The following KMO variants were observed in gnomAD, a reference collection of about 807,000 sequenced individuals.
The protein encoded by KMO is kynurenine 3-monooxygenase, also known as kynurenine 3-hydroxylase.
In KMO, 24 loss-of-function variants were observed where a neutral mutation model predicts 57.8. The observed-to-expected ratio is 0.42, with a 90% CI of 0.30 to 0.58. KMO has a LOEUF of 0.58. Among genes scored for constraint, KMO ranks in the 20% least tolerant of loss-of-function variants. The pLI, the probability that KMO is intolerant of heterozygous loss-of-function variation, is 0.22. For synonymous variants in KMO, 210 were observed against 193.6 expected (o/e 1.08, Z -0.70); for missense variants, 483 against 588.2 (o/e 0.82, Z 1.85).
At chr1:241,571,407 T>C (rs192965260) in intron 10 of KMO, among the ~76,000 whole-genome samples, 52 of 152,300 alleles carry the variant, frequency 3.4e-4, no homozygotes, top group Admixed American at 9.1e-4. Flanking sequence ...TTTTGTATGA[T>C]ACTAGCTGTG....
At chr1:241,586,617 T>G in intron 10 of KMO, 62 bp from the exon 11 acceptor site, 1 of 1,094,970 alleles carries the variant, frequency 9.1e-7, no homozygotes, top group Non-Finnish European at 1.4e-6. Context: ...TCAAAATCAA[T>G]AATAAGGGTT....
In KMO at chr1:241,594,241, T is replaced by G. The variant is rs555076820; in HGVS notation, c.*2088T>G. On this transcript the variant is annotated 3_prime_UTR_variant, in exon 15 of 15. Transcript: ENST00000366559. ...TTCATTATGTAAAGCACCCGTTGAA[T>G]TAAAAGAATTTGTTTTTGTTCAACC... is the stretch of plus-strand genomic sequence containing the variant. The G allele has an allele frequency of 1.4e-4, 78 of 568,956 alleles. No individual in the cohort carries two copies. Among genetic ancestry groups the G allele is most frequent in the Admixed American group, 6.4e-4 (18 of 28,234 alleles). 35.2% of individuals were successfully genotyped at this position (568,956 alleles called of 1,614,324 possible). A position where few individuals can be genotyped will look rare whatever the true frequency, so the allele number is the denominator to read the frequency against.
chr1:241,590,967 A>G lies in KMO; in HGVS notation c.1260+704A>G, dbSNP rs148566663. Among the ~76,000 whole-genome samples, 335 of 152,292 alleles carry G rather than the reference A, an allele frequency of 2.2e-3. 2 individuals are homozygous for G. Among genetic ancestry groups the G allele is most frequent in the African/African-American group, 7.8e-3 (325 of 41,562 alleles). ...CTGGAAGGCAGCACAGTGTGTGAGA[A>G]TGGTCAGAGGGTGGAGGCGGGGCTT... On this transcript the variant is annotated intron_variant, in intron 14 of 14. Transcript: ENST00000366559.
At chr1:241,555,806 A>G in intron 5 of KMO, 146 bp downstream of exon 5, 1 of 496,950 alleles carries the variant, frequency 2.0e-6, no homozygotes, top group Non-Finnish European at 3.6e-6. Context: ...TCCTTCTTGA[A>G]GCTAGGTCTG....
In KMO at chr1:241,592,763, T is replaced by TATCTATCC. The variant is rs1663358823; in HGVS notation, c.*617_*618insCATCTATC. The TATCTATCC allele has an allele frequency of 2.7e-5, 4 of 146,954 alleles. No homozygotes were observed. The Admixed American group carries it at 2.7e-4, about 10-fold the overall frequency. 9.1% of individuals were successfully genotyped at this position (146,954 alleles called of 1,614,324 possible). On this transcript the variant is annotated 3_prime_UTR_variant, in exon 15 of 15. Coordinates refer to ENST00000366559, the MANE Select transcript of KMO (RefSeq NM_003679.5). ...TCTATCTATCTATCTATCATCTATC[T>TATCTATCC]ATCTATCTATCTATCTATCTATCTA...
intron 10 of KMO, among the ~76,000 whole-genome samples, chr1:241,576,979 C>T (rs957433401): frequency 6.6e-6 from 1 of 151,984 alleles, no homozygotes; most frequent in Non-Finnish European, 1.5e-5. Context: ...ATTCAAAAGC[C>T]TTGTCTTTGA....
At chr1:241,552,407 T>C (rs1248972755) in intron 4 of KMO, among the ~76,000 whole-genome samples, 1 of 152,228 alleles carries the variant, frequency 6.6e-6, no homozygotes, top group Admixed American at 6.5e-5. Context: ...CAGTCAAATA[T>C]GGCGGCCTCC....
intron 5 of KMO, among the ~76,000 whole-genome samples, chr1:241,556,721 T>C (rs1376962752): frequency 6.6e-6 from 1 of 150,908 alleles, no homozygotes; most frequent in Admixed American, 6.6e-5. Flanking sequence ...CTACTAAAAA[T>C]ACAAAAAGAA....
intron 10 of KMO, among the ~76,000 whole-genome samples, chr1:241,583,026 T>C (rs1456220110): frequency 1.3e-5 from 2 of 152,174 alleles, no homozygotes; most frequent in Non-Finnish European, 2.9e-5. Flanking sequence ...ATGCTACAAC[T>C]CTTGCCAAGT....
chr1:241,590,463 T>C (rs1414750681), intron 14 of KMO, among the ~76,000 whole-genome samples, 200 bp downstream of exon 14: 1 of 152,224 alleles, frequency 6.6e-6, no homozygotes, highest in African/African-American at 2.4e-5. Flanking sequence ...AAGAGAGCTT[T>C]TGAAGGGAAG....
chr1:241,592,267 T>C lies in KMO; in HGVS notation c.*114T>C. The C allele has an allele frequency of 1.4e-6, 1 of 733,070 alleles. No homozygotes were observed. Among genetic ancestry groups the C allele is most frequent in the Non-Finnish European group, 2.3e-6 (1 of 440,592 alleles). The allele number at this position is 733,070 out of a possible 1,614,324, so 45.4% of individuals were successfully genotyped here. Reference sequence around the variant, plus strand: ...CTAGTGGAAGATAGTGTTCTGCTTATAATTAAACTGAATGTAGAGTATCTC... The same window carrying C: ...CTAGTGGAAGATAGTGTTCTGCTTACAATTAAACTGAATGTAGAGTATCTC... On this transcript the variant is annotated 3_prime_UTR_variant, in exon 15 of 15. Coordinates refer to ENST00000366559, the MANE Select transcript of KMO (RefSeq NM_003679.5).
At chr1:241,587,215 C>T (rs1032700453) in intron 11 of KMO, among the ~76,000 whole-genome samples, 7 of 152,336 alleles carry the variant, frequency 4.6e-5, no homozygotes, top group African/African-American at 1.4e-4. Flanking sequence ...AAGGAGCGTG[C>T]AAGCTAGATG....
At chr1:241,554,287 CTTCT>C (rs1661524867) in intron 4 of KMO, among the ~76,000 whole-genome samples, 1 of 144,084 alleles carries the variant, frequency 6.9e-6, no homozygotes, top group Admixed American at 7.1e-5. Context: ...TCCTTCCTCC[CTTCT>C]TTCTTTCTAG....
chr1:241,551,611 CA>C (rs1558416179), intron 4 of KMO, among the ~76,000 whole-genome samples: 1 of 152,172 alleles, frequency 6.6e-6, no homozygotes, highest in African/African-American at 2.4e-5. Context: ...ACACACAGAA[CA>C]GGGGGAAATA....
Position 241,593,411 on chromosome 1 carries a change from T to C in KMO, c.*1258T>C, listed in dbSNP as rs1254485817. ...CTTCAAACATGATTAATTATGAAGA[T>C]GAAACACTAGAGTCATATAAGAAAT... On this transcript the variant is annotated 3_prime_UTR_variant, in exon 15 of 15. Transcript: ENST00000366559. The C allele has an allele frequency of 4.7e-6, 2 of 428,324 alleles. No homozygotes were observed. Among genetic ancestry groups the C allele is most frequent in the East Asian group, 7.2e-5 (1 of 13,844 alleles). The allele number at this position is 428,324 out of a possible 1,614,324, so 26.5% of individuals were successfully genotyped here. A position where few individuals can be genotyped will look rare whatever the true frequency, so the allele number is the denominator to read the frequency against.
chr1:241,544,391 G>A (rs891469690), intron 1 of KMO, among the ~76,000 whole-genome samples: 1 of 152,256 alleles, frequency 6.6e-6, no homozygotes, highest in African/African-American at 2.4e-5. Context: ...TGTGATAATT[G>A]ACTTCCTAAA....
chr1:241,559,701 C>A (rs1349676884), intron 5 of KMO, among the ~76,000 whole-genome samples: 1 of 152,104 alleles, frequency 6.6e-6, no homozygotes, highest in Non-Finnish European at 1.5e-5. Flanking sequence ...AGGAATAGAA[C>A]TCCTGCCTTA....
At chr1:241,558,742 A>G (rs1035837677) in intron 5 of KMO, among the ~76,000 whole-genome samples, 66 of 150,950 alleles carry the variant, frequency 4.4e-4, no homozygotes, top group African/African-American at 1.4e-3. Context: ...AATACCAGGC[A>G]CGTGTATACT....
intron 1 of KMO, among the ~76,000 whole-genome samples, chr1:241,532,810 C>A (rs1011255278): frequency 1.3e-5 from 2 of 152,062 alleles, no homozygotes; most frequent in African/African-American, 4.8e-5. Context: ...TTGATTTTAT[C>A]CCCAAATTGG....
Sources: gnomAD v4.1 joint callset for allele counts (sites outside exome capture counted in the v4.1 genomes callset) on GRCh38, gnomAD v4.1.1 for gene constraint, MANE v1.5 for transcripts, NCBI Gene and HGNC (gene_info 2026-07-23, HGNC 2026-07-21) for gene names.